Variants in MAP4K3 observed in about 807,000 individuals in gnomAD.
MAP4K3 encodes MAPK/ERK kinase kinase kinase 3.
MAP4K3 carries 94 observed loss-of-function variants against 143.5 expected under a neutral mutation model. The observed-to-expected ratio is 0.65, with a 90% CI of 0.55 to 0.78. MAP4K3 has a LOEUF of 0.78. MAP4K3 is among the 30% of genes least tolerant of loss of function. The pLI, the probability that MAP4K3 is intolerant of heterozygous loss-of-function variation, is 0.00. For missense variants in MAP4K3, 1,077 were observed against 1,068.1 expected (o/e 1.01, Z -0.12); for synonymous variants, 416 against 347.2 (o/e 1.20, Z -2.20).
chr2:39,251,128 C>T (rs1357294717), intron 33 of MAP4K3, among the ~76,000 whole-genome samples: 2 of 152,206 alleles, frequency 1.3e-5, no homozygotes, highest in Non-Finnish European at 2.9e-5. Context: ...GGCCAGGGCG[C>T]TCACAGAAAG....
At chr2:39,271,001 A>C (rs1328944083) in intron 26 of MAP4K3, among the ~76,000 whole-genome samples, 1 of 152,226 alleles carries the variant, frequency 6.6e-6, no homozygotes, top group Middle Eastern at 3.4e-3. Flanking sequence ...AATTCCTGAA[A>C]TAATAACCTG....
At chr2:39,397,638 TAAAC>T (rs1232451846) in intron 1 of MAP4K3, among the ~76,000 whole-genome samples, 1 of 151,984 alleles carries the variant, frequency 6.6e-6, no homozygotes, top group Non-Finnish European at 1.5e-5. Flanking sequence ...TATTGAAAAA[TAAAC>T]AAGCAGTAAT....
intron 24 of MAP4K3, among the ~76,000 whole-genome samples, chr2:39,276,324 A>C (rs934376807): frequency 1.3e-5 from 2 of 152,224 alleles, no homozygotes; most frequent in Admixed American, 6.5e-5. Context: ...TCAGGCACCC[A>C]GTCACTCAAG....
chr2:39,354,957 A>G (rs1665565009), intron 3 of MAP4K3, among the ~76,000 whole-genome samples: 1 of 152,088 alleles, frequency 6.6e-6, no homozygotes, highest in South Asian at 2.1e-4. Context: ...TTTAATACAT[A>G]GGGAAGGCCA....
chr2:39,343,527 G>A, intron 3 of MAP4K3, 75 bp from the exon 4 acceptor site: 2 of 1,189,524 alleles, frequency 1.7e-6, no homozygotes, highest in Non-Finnish European at 2.5e-6. Flanking sequence ...GTATTTTAAG[G>A]TTGTAAGCTG....
At chr2:39,391,722 TG>T (rs1182576896) in intron 1 of MAP4K3, among the ~76,000 whole-genome samples, 2 of 151,922 alleles carry the variant, frequency 1.3e-5, no homozygotes, top group Non-Finnish European at 2.9e-5. Context: ...AAAAACAGCT[TG>T]GGGGAATGAA....
At chr2:39,323,041 T>C (rs1683367347) in intron 12 of MAP4K3, among the ~76,000 whole-genome samples, 1 of 152,200 alleles carries the variant, frequency 6.6e-6, no homozygotes, top group East Asian at 1.9e-4. Flanking sequence ...TACATTCGTA[T>C]TTTGAGTGAC....
intron 15 of MAP4K3, among the ~76,000 whole-genome samples, chr2:39,305,097 T>C (rs1462142388): frequency 1.3e-5 from 2 of 152,134 alleles, no homozygotes; most frequent in East Asian, 3.8e-4. Flanking sequence ...TATAGAGTTT[T>C]AGTTTGGGAA....
At chr2:39,304,288 A>C (rs1682615061) in intron 15 of MAP4K3, among the ~76,000 whole-genome samples, 1 of 152,138 alleles carries the variant, frequency 6.6e-6, no homozygotes, top group South Asian at 2.1e-4. Context: ...TGGAATGTTT[A>C]TGTAGCAAGG....
intron 26 of MAP4K3, among the ~76,000 whole-genome samples, chr2:39,268,996 A>C (rs1573074969): frequency 6.6e-6 from 1 of 152,194 alleles, no homozygotes; most frequent in East Asian, 1.9e-4. Flanking sequence ...CCTGAGGCTC[A>C]AGTAATCTGC....
chr2:39,335,916 C>T (rs1357031115), intron 6 of MAP4K3, among the ~76,000 whole-genome samples: 1 of 152,016 alleles, frequency 6.6e-6, no homozygotes, highest in Non-Finnish European at 1.5e-5. Flanking sequence ...GTAAGATTTG[C>T]CCCAGCCTCT....
intron 4 of MAP4K3, among the ~76,000 whole-genome samples, chr2:39,340,247 C>T (rs1280310648): frequency 1.9e-4 from 29 of 152,136 alleles, no homozygotes; most frequent in Non-Finnish European, 1.8e-4. Context: ...AATGGAGGTA[C>T]GTGTCCTACA....
chr2:39,272,670 A>C (rs1681079693), intron 24 of MAP4K3, 128 bp from the exon 25 acceptor site: 4 of 670,640 alleles, frequency 6.0e-6, no homozygotes, highest in Non-Finnish European at 1.0e-5. Flanking sequence ...TTTTAACATA[A>C]ATTAACTTTA....
chr2:39,345,477 T>C (rs756767152), intron 3 of MAP4K3, among the ~76,000 whole-genome samples: 21 of 152,120 alleles, frequency 1.4e-4, no homozygotes, highest in East Asian at 1.9e-4. Context: ...GGTTGGGTAG[T>C]AGCAGAATTA....
chr2:39,317,702 G>A (rs1295594149), intron 12 of MAP4K3, among the ~76,000 whole-genome samples: 2 of 152,088 alleles, frequency 1.3e-5, no homozygotes, highest in Non-Finnish European at 2.9e-5. Context: ...AAACCATAAT[G>A]AGATACCATC....
chr2:39,418,683 C>A (rs1667460694), intron 1 of MAP4K3, among the ~76,000 whole-genome samples: 1 of 151,874 alleles, frequency 6.6e-6, no homozygotes, highest in Non-Finnish European at 1.5e-5. Flanking sequence ...CAACAGCATA[C>A]ATACTTCATT....
chr2:39,267,125 C>T, intron 27 of MAP4K3, 64 bp downstream of exon 27: 1 of 1,474,542 alleles, frequency 6.8e-7, no homozygotes, highest in South Asian at 1.1e-5. Flanking sequence ...TGGGGTAGTA[C>T]TGTTTTATGC....
chr2:39,358,338 G>C (rs563239475), intron 2 of MAP4K3, among the ~76,000 whole-genome samples: 10 of 152,170 alleles, frequency 6.6e-5, no homozygotes, highest in Non-Finnish European at 1.5e-4. Context: ...CCAAAGATGT[G>C]ATCAATAAAG....
chr2:39,408,788 C>T (rs945362749), intron 1 of MAP4K3, among the ~76,000 whole-genome samples: 2 of 152,006 alleles, frequency 1.3e-5, no homozygotes, highest in African/African-American at 2.4e-5. Context: ...CAGTGCCAGA[C>T]GATGAGGAAG....
Sources: allele counts gnomAD v4.1 joint callset (sites outside exome capture counted in the v4.1 genomes callset), GRCh38; gene constraint gnomAD v4.1.1; transcripts MANE v1.5; gene names NCBI Gene and HGNC (gene_info 2026-07-23, HGNC 2026-07-21).